BPGM: variants seen among roughly 807,000 people sequenced by gnomAD.
The protein encoded by BPGM is 2,3-bisphosphoglycerate mutase, erythrocyte.
In BPGM, 15 loss-of-function variants were observed where a neutral mutation model predicts 21.6. The observed-to-expected ratio is 0.70, with a 90% confidence interval of 0.47 to 1.07. The LOEUF (loss-of-function observed/expected upper bound fraction) is 1.07. Among genes scored for constraint, BPGM ranks in the 50% least tolerant of loss-of-function variants. The probability of loss-of-function intolerance (pLI) is 0.00; values close to 1 mark genes in which losing one functional copy is unlikely to be tolerated. For missense variants in BPGM, 273 were observed against 319.0 expected (o/e 0.86, Z 1.10); for synonymous variants, 113 against 116.2 (o/e 0.97, Z 0.18).
chr7:134,678,330 G>A lies in BPGM; in HGVS notation c.602-523G>A, dbSNP rs144559651. Among the ~76,000 whole-genome samples, 521 of 152,268 alleles carry A rather than the reference G, an allele frequency of 3.4e-3. 3 individuals are homozygous for A. Among genetic ancestry groups the A allele is most frequent in the African/African-American group, 0.012 (493 of 41,562 alleles). ...CTTGACTGTGCTTTCTAAGCACCTGGGAAAGCATTCCTGTTGGACTGGATC... is the reference window on the plus strand; with the variant it reads ...CTTGACTGTGCTTTCTAAGCACCTGAGAAAGCATTCCTGTTGGACTGGATC... On this transcript the variant is annotated intron_variant, in intron 2 of 2. Coordinates refer to ENST00000344924, the MANE Select transcript of BPGM (RefSeq NM_001724.5).
At chr7:134,667,483 G>C (rs1481797605) in intron 2 of BPGM, among the ~76,000 whole-genome samples, 1 of 151,918 alleles carries the variant, frequency 6.6e-6, no homozygotes, top group Non-Finnish European at 1.5e-5. Context: ...GGAGGCAGGA[G>C]GATTGCTTGT....
At chr7:134,662,833 A>G (rs1795758302) in intron 2 of BPGM, among the ~76,000 whole-genome samples, 1 of 152,234 alleles carries the variant, frequency 6.6e-6, no homozygotes, top group South Asian at 2.1e-4. Flanking sequence ...CATGTTCTAC[A>G]TGTATACTAA....
chr7:134,651,816 G>C (rs973385623), intron 1 of BPGM, among the ~76,000 whole-genome samples: 3 of 152,164 alleles, frequency 2.0e-5, no homozygotes, highest in Non-Finnish European at 4.4e-5. Flanking sequence ...AAAGTTATAA[G>C]TCACCTGCAA....
Position 134,679,339 on chromosome 7 carries a change from G to T in BPGM, c.*308G>T. ...AGCAACAAGTAGAGATGAAGTTAAA[G>T]GTATTTATCATTCAAGAAATCATTA... On this transcript the variant is annotated 3_prime_UTR_variant, in exon 3 of 3. Transcript: ENST00000344924. The T allele has an allele frequency of 5.6e-6, 2 of 359,574 alleles. No individual in the cohort carries two copies. The highest frequency in any genetic ancestry group is 3.3e-5 in the South Asian group (1 of 30,188). The allele number at this position is 359,574 out of a possible 1,614,324, so 22.3% of individuals were successfully genotyped here.
intron 2 of BPGM, among the ~76,000 whole-genome samples, chr7:134,667,443 C>T (rs889762275): frequency 2.6e-4 from 40 of 151,878 alleles, no homozygotes; most frequent in African/African-American, 9.0e-4. Context: ...TGTGGGGTCA[C>T]GCACCTGTAG....
In BPGM at chr7:134,679,075, A is replaced by G; in HGVS notation, c.*44A>G. On this transcript the variant is annotated 3_prime_UTR_variant, in exon 3 of 3. Coordinates refer to ENST00000344924, the MANE Select transcript of BPGM (RefSeq NM_001724.5). ...TAAGAAGAAATGCAAAAGAAGTGGC[A>G]TAGGAGTGTGTTATGGGTGCTGAAC... 4 of 1,600,212 alleles carry G rather than the reference A, an allele frequency of 2.5e-6. No homozygotes were observed. Among genetic ancestry groups the G allele is most frequent in the Non-Finnish European group, 2.6e-6 (3 of 1,168,820 alleles).
chr7:134,672,352 A>G (rs1423202086), intron 2 of BPGM, among the ~76,000 whole-genome samples: 2 of 152,124 alleles, frequency 1.3e-5, no homozygotes, highest in South Asian at 2.1e-4. Flanking sequence ...CTGTGAAGGG[A>G]AACACCACTG....
intron 1 of BPGM, among the ~76,000 whole-genome samples, chr7:134,659,235 A>C (rs142079986): frequency 1.3e-5 from 2 of 152,168 alleles, no homozygotes; most frequent in South Asian, 4.1e-4. Context: ...ACAAAACAAA[A>C]TGATCAATGG....
At position 134,648,139 on chromosome 7, in the gene BPGM, T is replaced by TTTTTG. The variant is rs1554409878; in HGVS notation, c.-62+1205_-62+1206insTGTTT. 2.0e-3 allele frequency among the ~76,000 whole-genome samples: 295 copies of TTTTTG among 148,818 alleles called. 2 individuals carry two copies. Among genetic ancestry groups the TTTTTG allele is most frequent in the East Asian group, 0.015 (77 of 5,042 alleles). On this transcript the variant is annotated intron_variant, in intron 1 of 2. Coordinates refer to ENST00000344924, the MANE Select transcript of BPGM (RefSeq NM_001724.5). ...TTTCTTTCTTTTGTTTTGGTTTTTTTTTTGTTTTGTTTTCAGACGGAGTTT... is the reference window on the plus strand; with the variant it reads ...TTTCTTTCTTTTGTTTTGGTTTTTTTTTTTGTTTGTTTTGTTTTCAGACGGAGTTT...
At chr7:134,668,206 A>G (rs1795848468) in intron 2 of BPGM, among the ~76,000 whole-genome samples, 1 of 152,198 alleles carries the variant, frequency 6.6e-6, no homozygotes, top group African/African-American at 2.4e-5. Context: ...GTTGGAGGAA[A>G]CTGAAATCTA....
intron 1 of BPGM, among the ~76,000 whole-genome samples, chr7:134,653,254 A>G (rs1478801675): frequency 6.6e-6 from 1 of 152,226 alleles, no homozygotes; most frequent in Non-Finnish European, 1.5e-5. Context: ...TATAGCCTAG[A>G]AAGCCTAAAA....
In BPGM at chr7:134,661,383, C is replaced by A; in HGVS notation, c.-61-64C>A. The A allele has an allele frequency of 7.1e-7, 1 of 1,408,866 alleles. No individual in the cohort carries two copies. The highest frequency in any genetic ancestry group is 1.2e-5 in the South Asian group (1 of 81,980). 87.3% of individuals were successfully genotyped at this position (1,408,866 alleles called of 1,614,324 possible). ...CTTTTAGAAATTGGGTGTTGTAAAG[C>A]GATGTTTCTATTCCTAGATTGTCAG... On this transcript the variant is annotated intron_variant, in intron 1 of 2. Transcript: ENST00000344924. This position sits in a 1 kb window ranked among gnomAD's most constrained non-coding sequence, Gnocchi z 4.6.
intron 1 of BPGM, chr7:134,647,387 A>G (rs1175688512): frequency 6.6e-6 from 1 of 152,208 alleles, no homozygotes; most frequent in Non-Finnish European, 1.5e-5. Flanking sequence ...AAAAACTCGA[A>G]TGCGGTGAAA....
chr7:134,647,822 C>G (rs1795484394), intron 1 of BPGM, among the ~76,000 whole-genome samples: 1 of 152,174 alleles, frequency 6.6e-6, no homozygotes, highest in Non-Finnish European at 1.5e-5. Flanking sequence ...GAAACGGAGT[C>G]TCGCTCTGTC....
chr7:134,657,308 T>C (rs1795654443), intron 1 of BPGM, among the ~76,000 whole-genome samples: 1 of 152,152 alleles, frequency 6.6e-6, no homozygotes, highest in African/African-American at 2.4e-5. Context: ...GTACAGTGTG[T>C]GCAAAACTAC....
intron 1 of BPGM, among the ~76,000 whole-genome samples, chr7:134,659,694 C>T (rs1562968308): frequency 6.6e-6 from 1 of 152,170 alleles, no homozygotes; most frequent in Non-Finnish European, 1.5e-5. Context: ...GCACAGCAAC[C>T]TGGTACTTAA....
chr7:134,665,649 GAAAAAAA>G lies in BPGM; in HGVS notation c.601+3559_601+3565del, dbSNP rs1164169964. Among the ~76,000 whole-genome samples, 23 of 78,248 alleles carry G rather than the reference GAAAAAAA, an allele frequency of 2.9e-4. 7 individuals carry two copies. The highest frequency in any genetic ancestry group is 5.9e-4 in the Admixed American group (4 of 6,800). The allele number at this position is 78,248 out of a possible 152,430, so 51.3% of individuals were successfully genotyped here. A position where few individuals can be genotyped will look rare whatever the true frequency, so the allele number is the denominator to read the frequency against. On this transcript the variant is annotated intron_variant, in intron 2 of 2. Coordinates refer to ENST00000344924, the MANE Select transcript of BPGM (RefSeq NM_001724.5). ...AAAATAAAATAAAATAAAAATTAAT[GAAAAAAA>G]AAAAAAAAAAAAAAAAAGTGCAGCT...
At chr7:134,647,946 G>A (rs960560027) in intron 1 of BPGM, among the ~76,000 whole-genome samples, 3 of 149,108 alleles carry the variant, frequency 2.0e-5, no homozygotes, top group African/African-American at 7.4e-5. Flanking sequence ...TACAAGCATA[G>A]GCCACCACGC....
chr7:134,661,641 T>C lies in BPGM; in HGVS notation c.134T>C (p.Leu45Pro), dbSNP rs746928798. 6.2e-7 allele frequency: 1 copy of C among 1,614,120 alleles called. No homozygotes were observed. Among genetic ancestry groups the C allele is most frequent in the Non-Finnish European group, 8.5e-7 (1 of 1,180,018 alleles). ...GAAGCTCGGAACTGTGGGAAGCAAC[T>C]CAAAGCGTTAAACTTTGAGTTTGAT... ...MEEARNCGKQ[L>P]KALNFEFDLV... Residue 45 changes from leucine (L) to proline (P), a missense_variant, in exon 2 of 3, where the codon CTC (leucine) becomes CCC (proline). Leu to Pro is a moderately conservative substitution (Grantham distance 98). Coordinates refer to ENST00000344924, the MANE Select transcript of BPGM (RefSeq NM_001724.5). This position sits in a 1 kb window ranked among gnomAD's most constrained non-coding sequence, Gnocchi z 4.6.
Sources: allele counts gnomAD v4.1 joint callset (sites outside exome capture counted in the v4.1 genomes callset), GRCh38; gene constraint gnomAD v4.1.1; non-coding constraint Gnocchi (gnomAD v3.1); transcripts MANE v1.5; gene names NCBI Gene and HGNC (gene_info 2026-07-23, HGNC 2026-07-21).